NR3C1: variants seen among roughly 807,000 people sequenced by gnomAD.
NR3C1 encodes the protein glucocorticoid receptor.
NR3C1 carries 14 observed loss-of-function variants against 74.0 expected under a neutral mutation model. The observed-to-expected ratio is 0.19, with a 90% CI of 0.12 to 0.30. The LOEUF (loss-of-function observed/expected upper bound fraction) is 0.30, where lower values mean the gene tolerates loss of function less well. Ranked by LOEUF, NR3C1 falls within the 10% of genes least tolerant of loss-of-function variation. The probability of loss-of-function intolerance (pLI) is 1.00; values close to 1 mark genes in which losing one functional copy is unlikely to be tolerated. For synonymous variants in NR3C1, 308 were observed against 332.5 expected (o/e 0.93, Z 0.80); for missense variants, 695 against 909.8 (o/e 0.76, Z 3.04).
intron 7 of NR3C1, among the ~76,000 whole-genome samples, chr5:143,288,051 G>A (rs745881550): frequency 1.8e-4 from 28 of 151,982 alleles, no homozygotes; most frequent in Non-Finnish European, 3.1e-4. Flanking sequence ...AGTATTTTTG[G>A]AAAGAGGATT....
chr5:143,430,589 T>G (rs1289590477), intron 1 of NR3C1, among the ~76,000 whole-genome samples: 2 of 152,198 alleles, frequency 1.3e-5, no homozygotes, highest in Non-Finnish European at 2.9e-5. Context: ...TGAATGGGAT[T>G]AGTGCCCTTA....
chr5:143,386,984 T>C (rs1837345807), intron 2 of NR3C1, among the ~76,000 whole-genome samples: 1 of 152,220 alleles, frequency 6.6e-6, no homozygotes, highest in South Asian at 2.1e-4. Flanking sequence ...AGGGGAATAA[T>C]ACTGAAAGTG....
chr5:143,317,437 A>T (rs541236454), intron 2 of NR3C1, among the ~76,000 whole-genome samples: 1 of 152,304 alleles, frequency 6.6e-6, no homozygotes, highest in African/African-American at 2.4e-5. Flanking sequence ...TGTGCCAAAC[A>T]TTCTGAGAAT....
At chr5:143,325,866 G>A (rs900262737) in intron 2 of NR3C1, among the ~76,000 whole-genome samples, 4 of 152,014 alleles carry the variant, frequency 2.6e-5, no homozygotes, top group Non-Finnish European at 4.4e-5. Context: ...GAAAGAAATA[G>A]TTTTTAAAAT....
chr5:143,394,239 T>C (rs542734685), intron 2 of NR3C1, among the ~76,000 whole-genome samples: 2 of 152,202 alleles, frequency 1.3e-5, no homozygotes, highest in South Asian at 4.1e-4. Flanking sequence ...TGGGATGTAA[T>C]TAATATTTAA....
At chr5:143,404,314 G>C, upstream of NR3C1, 2 of 985,668 alleles carry the variant, frequency 2.0e-6, no homozygotes, top group Non-Finnish European at 2.4e-6. Context: ...CGGGCGGCCT[G>C]ACACGCCCTC....
chr5:143,431,673 T>G (rs562741022), intron 1 of NR3C1, among the ~76,000 whole-genome samples: 7 of 151,840 alleles, frequency 4.6e-5, no homozygotes, highest in Non-Finnish European at 1.0e-4. Context: ...TAAAATAAAA[T>G]AAAATAGAAA....
At chr5:143,396,513 A>AT (rs775539206) in intron 2 of NR3C1, among the ~76,000 whole-genome samples, 15 of 151,838 alleles carry the variant, frequency 9.9e-5, no homozygotes, top group Non-Finnish European at 2.2e-4. Flanking sequence ...TTCTCTTCGT[A>AT]TTTCCTCTTT....
chr5:143,391,680 C>A (rs1052732027), intron 2 of NR3C1, among the ~76,000 whole-genome samples: 9 of 151,576 alleles, frequency 5.9e-5, no homozygotes, highest in African/African-American at 1.9e-4. Flanking sequence ...AAGGCGCTTT[C>A]AAAAAATAAT....
intron 2 of NR3C1, among the ~76,000 whole-genome samples, chr5:143,371,123 A>G (rs948683273): frequency 2.0e-5 from 3 of 152,210 alleles, no homozygotes; most frequent in Non-Finnish European, 4.4e-5. Context: ...ATTTTGTTTT[A>G]GATTAGATTG....
chr5:143,403,142 T>A, intron 1 of NR3C1, 69 bp downstream of exon 1: 1 of 961,528 alleles, frequency 1.0e-6, no homozygotes, highest in Middle Eastern at 5.4e-4. Flanking sequence ...GGCCCCCGAG[T>A]TGTCTCCGGT....
chr5:143,359,712 G>A (rs550273093), intron 2 of NR3C1, among the ~76,000 whole-genome samples: 1 of 152,178 alleles, frequency 6.6e-6, no homozygotes, highest in South Asian at 2.1e-4. Context: ...GAGGCCAGGA[G>A]TTCGAGACCA....
At chr5:143,285,016 C>G (rs1030611406) in intron 7 of NR3C1, among the ~76,000 whole-genome samples, 2 of 70,440 alleles carry the variant, frequency 2.8e-5, no homozygotes, top group Non-Finnish European at 6.4e-5. Context: ...GAAATCTGTA[C>G]AATTTATGGG....
intron 4 of NR3C1, among the ~76,000 whole-genome samples, chr5:143,304,051 C>G (rs1819068664): frequency 6.6e-6 from 1 of 152,004 alleles, no homozygotes. Context: ...TAACATAGTA[C>G]TGGAAATCCT....
chr5:143,368,534 TACACACACACACAC>T lies in NR3C1; in HGVS notation c.1184+31108_1184+31121del, dbSNP rs201482184. On this transcript the variant is annotated intron_variant, in intron 2 of 8. Transcript: ENST00000394464. ...TATATACATACACATATATTCTAGA[TACACACACACACAC>T]ACACACACACACACACACACCGACA... 5.3e-3 allele frequency among the ~76,000 whole-genome samples: 767 copies of T among 145,046 alleles called. 3 individuals are homozygous for T. Among genetic ancestry groups the T allele is most frequent in the Non-Finnish European group, 9.6e-3 (637 of 66,068 alleles).
intron 2 of NR3C1, among the ~76,000 whole-genome samples, chr5:143,386,490 G>C (rs1354372612): frequency 7.9e-5 from 12 of 152,170 alleles, no homozygotes; most frequent in Admixed American, 2.0e-4. Flanking sequence ...AGAAAAGCAA[G>C]CTGCAGACAA....
intron 2 of NR3C1, chr5:143,332,697 G>C: frequency 1.3e-6 from 2 of 1,574,986 alleles, no homozygotes; most frequent in Non-Finnish European, 1.7e-6. Context: ...ACGTGACAAG[G>C]TGCGTCTCAG....
intron 2 of NR3C1, chr5:143,390,022 T>C: frequency 4.7e-6 from 3 of 637,106 alleles, no homozygotes; most frequent in Non-Finnish European, 5.9e-6. Context: ...AGCAGGCTGT[T>C]GTCACAAAGA....
intron 1 of NR3C1, among the ~76,000 whole-genome samples, chr5:143,409,764 C>T (rs1195960849): frequency 6.6e-6 from 1 of 152,160 alleles, no homozygotes; most frequent in African/African-American, 2.4e-5. Flanking sequence ...TCATAATGAA[C>T]TCCACTTTGG....
Sources: gnomAD v4.1 joint callset for allele counts (sites outside exome capture counted in the v4.1 genomes callset) on GRCh38, gnomAD v4.1.1 for gene constraint, MANE v1.5 for transcripts, NCBI Gene and HGNC (gene_info 2026-07-23, HGNC 2026-07-21) for gene names.